The following SIN3A variants were observed in gnomAD, a reference collection of about 807,000 sequenced individuals.
The protein encoded by SIN3A is paired amphipathic helix protein Sin3a.
In SIN3A, 14 loss-of-function variants were observed where a neutral mutation model predicts 146.1. That is an observed-to-expected ratio of 0.10 (90% confidence interval 0.06 to 0.15). SIN3A has a LOEUF of 0.15. Ranked by LOEUF, SIN3A falls within the 10% of genes least tolerant of loss-of-function variation. The probability of loss-of-function intolerance (pLI) is 1.00; values close to 1 mark genes in which losing one functional copy is unlikely to be tolerated. For missense variants in SIN3A, 1,028 were observed against 1,576.0 expected (o/e 0.65, Z 5.89); for synonymous variants, 572 against 572.0 (o/e 1.00, Z 0.00).
intron 1 of SIN3A, among the ~76,000 whole-genome samples, chr15:75,444,767 A>C (rs1272401568): frequency 2.0e-5 from 3 of 152,186 alleles, no homozygotes; most frequent in Non-Finnish European, 4.4e-5. Flanking sequence ...TTAAATTCAA[A>C]ATGTATTAAT....
At chr15:75,454,562 G>T (rs2074460732), upstream of SIN3A, among the ~76,000 whole-genome samples, 1 of 150,640 alleles carries the variant, frequency 6.6e-6, no homozygotes, top group African/African-American at 2.4e-5. Flanking sequence ...CGCGCCCCCC[G>T]CGCCCCTCCC....
chr15:75,432,685 C>CAA (rs71440236), intron 1 of SIN3A, among the ~76,000 whole-genome samples: 960 of 84,490 alleles, frequency 0.011, 20 homozygotes, highest in South Asian at 0.028. Flanking sequence ...GACTCTGTCT[C>CAA]AAAAAAAAAA....
chr15:75,413,089 A>G, intron 4 of SIN3A, 44 bp from the exon 5 acceptor site: 2 of 1,547,012 alleles, frequency 1.3e-6, no homozygotes, highest in African/African-American at 1.4e-5. Flanking sequence ...TAAGCTTAAC[A>G]AACACCCTGT....
intron 8 of SIN3A, 52 bp downstream of exon 8, chr15:75,409,784 C>A: frequency 1.3e-6 from 2 of 1,573,756 alleles, no homozygotes; most frequent in Non-Finnish European, 1.7e-6. Flanking sequence ...GAGTACCTCT[C>A]CATTAGAAAT....
intron 3 of SIN3A, chr15:75,421,630 T>C (rs961281799): frequency 2.0e-5 from 3 of 152,220 alleles, no homozygotes; most frequent in African/African-American, 7.2e-5. Flanking sequence ...GATATGTCCT[T>C]AGAGGGTTTA....
chr15:75,403,501 T>TC (rs2073451352), intron 9 of SIN3A, among the ~76,000 whole-genome samples: 1 of 151,814 alleles, frequency 6.6e-6, no homozygotes. Flanking sequence ...TGCTTGATTC[T>TC]CCACACCATA....
intron 19 of SIN3A, among the ~76,000 whole-genome samples, chr15:75,376,980 G>A (rs1216347490): frequency 6.6e-6 from 1 of 151,866 alleles, no homozygotes; most frequent in African/African-American, 2.4e-5. Flanking sequence ...GACCCTTTCA[G>A]GAGATCTGTG....
chr15:75,387,121 T>C (rs1266331857), intron 16 of SIN3A, among the ~76,000 whole-genome samples: 1 of 152,198 alleles, frequency 6.6e-6, no homozygotes, highest in East Asian at 1.9e-4. Context: ...CTTTGAAATA[T>C]ATGTTGTACA....
intron 1 of SIN3A, among the ~76,000 whole-genome samples, chr15:75,432,117 A>G (rs1020497249): frequency 6.6e-6 from 1 of 152,234 alleles, no homozygotes; most frequent in Non-Finnish European, 1.5e-5. Flanking sequence ...CTAGCATGAA[A>G]TAGCATGTTT....
chr15:75,429,430 A>C (rs191975260), intron 2 of SIN3A, among the ~76,000 whole-genome samples: 81 of 152,334 alleles, frequency 5.3e-4, no homozygotes, highest in African/African-American at 1.8e-3. Flanking sequence ...CTCCTAAAAA[A>C]AGAAAAAGGA....
At chr15:75,413,077 T>C (rs747675388) in intron 4 of SIN3A, 32 bp from the exon 5 acceptor site, 23 of 1,570,328 alleles carry the variant, frequency 1.5e-5, no homozygotes, top group Admixed American at 2.1e-5. Context: ...AGTGATAAAC[T>C]GTAAGCTTAA....
intron 9 of SIN3A, among the ~76,000 whole-genome samples, chr15:75,406,463 G>A (rs969637407): frequency 2.6e-5 from 4 of 152,088 alleles, no homozygotes; most frequent in Admixed American, 1.3e-4. Flanking sequence ...CGAGGCGGGC[G>A]GATCACGAGG....
In SIN3A at chr15:75,375,800, G is replaced by T. The variant is rs2072843067; in HGVS notation, c.3456C>A (p.Ser1152Arg). ...QQEKEGKEGN[S>R]KKTMENVDSL... The stretch of plus-strand genomic sequence containing the variant: ...TATCCACATTCTCCATGGTCTTCTT[G>T]CTGTTTCCTTCCTTCCCTTCCTTTT... Residue 1152 changes from serine to arginine, a missense_variant, in exon 20 of 21, where the codon AGC becomes AGA. By Grantham distance (110) the Ser-to-Arg change is moderately radical (BLOSUM62 -1). Transcript: ENST00000394947. 4 of 1,614,008 alleles carry T rather than the reference G, an allele frequency of 2.5e-6. 1 individual carries two copies. The highest frequency in any genetic ancestry group is 3.3e-4 in the Middle Eastern group (2 of 6,084).
At chr15:75,449,205 C>G (rs2074358747) in intron 1 of SIN3A, among the ~76,000 whole-genome samples, 1 of 152,166 alleles carries the variant, frequency 6.6e-6, no homozygotes, top group South Asian at 2.1e-4. Flanking sequence ...TTTTGTCTCC[C>G]CACCAATTCT....
chr15:75,447,135 T>A (rs2074321839), intron 1 of SIN3A, among the ~76,000 whole-genome samples: 1 of 152,092 alleles, frequency 6.6e-6, no homozygotes. Context: ...CACTGGATGG[T>A]TTTAAGCAGA....
chr15:75,411,398 A>G (rs1763768030), intron 6 of SIN3A, 94 bp downstream of exon 6: 2 of 1,265,222 alleles, frequency 1.6e-6, no homozygotes, highest in Non-Finnish European at 2.2e-6. Flanking sequence ...AATTTCCAGT[A>G]TGAATTAATG....
intron 9 of SIN3A, among the ~76,000 whole-genome samples, chr15:75,404,138 T>C (rs1469280456): frequency 6.6e-6 from 1 of 152,226 alleles, no homozygotes; most frequent in Non-Finnish European, 1.5e-5. Flanking sequence ...CCAAGTGGCT[T>C]ATCAGCAACC....
In SIN3A at chr15:75,381,626, G is replaced by A; in HGVS notation, c.3275C>T (p.Pro1092Leu). ...LDTEEENSDD[P>L]VEAERWSDYV... ...ACTTGCTCATACCTCTGCTTCCACA[G>A]GGTCATCCGAATTCTCCTCTTCTGT... The change falls in exon 18 of 21, where the codon CCT (proline) becomes CTT (leucine). Residue 1092 changes from proline to leucine, a missense_variant. This residue lies in a region of SIN3A where 488 missense variants were observed against 690.2 expected (regional missense o/e 0.71). Coordinates refer to ENST00000394947, the MANE Select transcript of SIN3A (RefSeq NM_001145358.2). 1 of 1,613,574 alleles carries A rather than the reference G, an allele frequency of 6.2e-7. No individual in the cohort carries two copies. Among genetic ancestry groups the A allele is most frequent in the Non-Finnish European group, 8.5e-7 (1 of 1,179,686 alleles).
chr15:75,450,220 T>C (rs1200065704), intron 1 of SIN3A, among the ~76,000 whole-genome samples: 1 of 151,934 alleles, frequency 6.6e-6, no homozygotes, highest in Admixed American at 6.5e-5. Flanking sequence ...ACAGACCAGT[T>C]TTGAGATTAA....
Sources: gnomAD v4.1 joint callset for allele counts (sites outside exome capture counted in the v4.1 genomes callset) on GRCh38, gnomAD v4.1.1 for gene constraint, gnomAD v4.1.1 regional missense constraint, MANE v1.5 for transcripts, NCBI Gene and HGNC (gene_info 2026-07-23, HGNC 2026-07-21) for gene names.